The following BCAS3 variants were observed in gnomAD, a reference collection of about 807,000 sequenced individuals.
The protein encoded by BCAS3 is BCAS3 microtubule associated cell migration factor.
Under a neutral mutation model 116.1 loss-of-function variants are expected in BCAS3, and 53 were observed. The ratio of observed to expected loss-of-function variants is 0.46; its 90% CI spans 0.37 to 0.57. The LOEUF is 0.57. Ranked by LOEUF, BCAS3 falls within the 20% of genes least tolerant of loss-of-function variation. BCAS3 has a pLI of 0.00. For missense variants in BCAS3, 917 were observed against 1,165.4 expected (o/e 0.79, Z 3.10); for synonymous variants, 391 against 408.2 (o/e 0.96, Z 0.51).
intron 7 of BCAS3, among the ~76,000 whole-genome samples, chr17:60,830,419 C>T (rs2050814090): frequency 6.6e-6 from 1 of 152,122 alleles, no homozygotes; most frequent in Non-Finnish European, 1.5e-5. Context: ...TTGATGTCAT[C>T]TAGATCATGA....
rs2056982337 is a variant in BCAS3, at chr17:61,339,531, C to T, written c.2426-28796C>T. ...CCTGTAATCCCAGCAGTTGGGAGGC[C>T]AAGGTGAGCAGATCACCTGAGGTCA... On this transcript the variant is annotated intron_variant, in intron 22 of 23. Coordinates refer to ENST00000407086, the MANE Select transcript of BCAS3 (RefSeq NM_017679.5). This position sits in a 1 kb window ranked among gnomAD's most constrained non-coding sequence, Gnocchi z 4.4. Among the ~76,000 whole-genome samples the T allele has an allele frequency of 6.6e-6, 1 of 152,108 alleles. No homozygotes were observed. Among genetic ancestry groups the T allele is most frequent in the South Asian group, 2.1e-4 (1 of 4,828 alleles).
intron 22 of BCAS3, among the ~76,000 whole-genome samples, chr17:61,299,875 T>C (rs1020302155): frequency 6.6e-6 from 1 of 152,200 alleles, no homozygotes; most frequent in Non-Finnish European, 1.5e-5. Flanking sequence ...TGAATTCTAT[T>C]ATGACAGGTT....
intron 13 of BCAS3, among the ~76,000 whole-genome samples, chr17:60,940,278 A>C (rs1201641219): frequency 2.6e-5 from 4 of 152,208 alleles, no homozygotes; most frequent in African/African-American, 9.6e-5. Context: ...GGTAGTGTTT[A>C]CTTCAGTGCC....
intron 8 of BCAS3, among the ~76,000 whole-genome samples, chr17:60,871,842 C>T (rs2055132888): frequency 6.6e-6 from 1 of 151,502 alleles, no homozygotes; most frequent in East Asian, 1.9e-4. Flanking sequence ...TCTTATTATG[C>T]CTTGTCTGTT....
At chr17:60,978,270 T>C (rs1034838496) in intron 14 of BCAS3, among the ~76,000 whole-genome samples, 10 of 139,102 alleles carry the variant, frequency 7.2e-5, no homozygotes, top group Admixed American at 6.2e-4. Context: ...GAGCATTTTT[T>C]CATGTGTTTT....
chr17:60,935,742 T>C (rs1327195562), intron 13 of BCAS3, among the ~76,000 whole-genome samples: 1 of 152,064 alleles, frequency 6.6e-6, no homozygotes, highest in African/African-American at 2.4e-5. Flanking sequence ...TGTTACTTAG[T>C]TACTTACTTT....
chr17:60,689,824 A>C lies in BCAS3; in HGVS notation c.214+63A>C, dbSNP rs138946398. 99 of 1,130,832 alleles carry C rather than the reference A, an allele frequency of 8.8e-5. No individual in the cohort carries two copies. In the East Asian group the frequency reaches 2.3e-3, roughly 26 times the overall value. The allele number at this position is 1,130,832 out of a possible 1,614,324, so 70.0% of individuals were successfully genotyped here. ...TGTTTGTTTGGAGTACCTGATTCCA[A>C]AAAGAGAGCCTCTACTTTAGTCAGA... On this transcript the variant is annotated intron_variant, in intron 4 of 23. Coordinates refer to ENST00000407086, the MANE Select transcript of BCAS3 (RefSeq NM_017679.5).
chr17:61,020,241 C>T lies in BCAS3; in HGVS notation c.1637+4340C>T, dbSNP rs908489792. Among the ~76,000 whole-genome samples the T allele has an allele frequency of 1.3e-5, 2 of 152,172 alleles. No homozygotes were observed. Among genetic ancestry groups the T allele is most frequent in the African/African-American group, 4.8e-5 (2 of 41,442 alleles). ...TGTGTTTACCATATTCAACATCTGC[C>T]TTCTTATGTTTGCAAATACATATGC... On this transcript the variant is annotated intron_variant, in intron 16 of 23. Coordinates refer to ENST00000407086, the MANE Select transcript of BCAS3 (RefSeq NM_017679.5). The surrounding 1 kb of genome is among the most constrained non-coding windows in gnomAD (Gnocchi z 4.5).
In BCAS3 at chr17:61,012,199, C is replaced by G. The variant is rs1269552616; in HGVS notation, c.1487-3552C>G. On this transcript the variant is annotated intron_variant, in intron 15 of 23. Transcript: ENST00000407086. The surrounding 1 kb of genome is among the most constrained non-coding windows in gnomAD (Gnocchi z 4.5). ...TTTCTGTAACATTACATTATGAACTCTTTGAAAGTCCCTTGGACTTACTCC... is the reference window on the plus strand; with the variant it reads ...TTTCTGTAACATTACATTATGAACTGTTTGAAAGTCCCTTGGACTTACTCC... Among the ~76,000 whole-genome samples the G allele has an allele frequency of 6.6e-6, 1 of 152,002 alleles. No individual in the cohort carries two copies. The highest frequency in any genetic ancestry group is 1.5e-5 in the Non-Finnish European group (1 of 67,944).
At chr17:60,872,010 A>G (rs964895509) in intron 8 of BCAS3, among the ~76,000 whole-genome samples, 3 of 152,036 alleles carry the variant, frequency 2.0e-5, no homozygotes, top group African/African-American at 7.2e-5. Context: ...TTTATGAACC[A>G]TCCTTTGTTA....
At chr17:61,274,547 C>T (rs994531384) in intron 22 of BCAS3, among the ~76,000 whole-genome samples, 2 of 152,050 alleles carry the variant, frequency 1.3e-5, no homozygotes, top group African/African-American at 4.8e-5. Context: ...CTGCGGCCTC[C>T]CAAAGTGCTG....
intron 22 of BCAS3, among the ~76,000 whole-genome samples, chr17:61,253,306 A>C (rs2048512544): frequency 6.6e-6 from 1 of 151,202 alleles, no homozygotes; most frequent in South Asian, 2.1e-4. Context: ...TAATCCCAAC[A>C]CTTTGGGAGG....
At position 61,104,746 on chromosome 17, in the gene BCAS3, T is replaced by TA. The variant is rs1035905152; in HGVS notation, c.2425+20190dup. 2.6e-5 allele frequency among the ~76,000 whole-genome samples: 4 copies of TA among 151,984 alleles called. No homozygotes were observed. The highest frequency in any genetic ancestry group is 1.9e-4 in the East Asian group (1 of 5,176). Reference sequence around the variant, plus strand: ...AAATGAAAAATATTTGCCCTCTCCATAAAAAAAATGCTTACAACTTTATCT... The same window carrying TA: ...AAATGAAAAATATTTGCCCTCTCCATAAAAAAAAATGCTTACAACTTTATCT... On this transcript the variant is annotated intron_variant, in intron 22 of 23. Transcript: ENST00000407086. This position sits in a 1 kb window ranked among gnomAD's most constrained non-coding sequence, Gnocchi z 4.1.
intron 7 of BCAS3, 27 bp downstream of exon 7, chr17:60,808,103 A>G (rs747966407): frequency 1.4e-6 from 2 of 1,440,178 alleles, no homozygotes; most frequent in African/African-American, 1.4e-5. Context: ...AATTCTTTGT[A>G]TCACCTATTA....
At chr17:61,375,253 T>TGTGTGTGC (rs2059280190) in intron 23 of BCAS3, among the ~76,000 whole-genome samples, 1 of 140,610 alleles carries the variant, frequency 7.1e-6, no homozygotes, top group Non-Finnish European at 1.5e-5. Flanking sequence ...TGTGTGTGTG[T>TGTGTGTGC]GTACTAATAA....
At position 60,967,906 on chromosome 17, in the gene BCAS3, T is replaced by G. The variant is rs542210991; in HGVS notation, c.1221+20554T>G. On this transcript the variant is annotated intron_variant, in intron 14 of 23. Transcript: ENST00000407086. The surrounding 1 kb of genome is among the most constrained non-coding windows in gnomAD (Gnocchi z 4.7). ...TTTCTATATTTTTTCCCAATCTCTT[T>G]GTTAAATTTCTCTGATAAATTTCTG... is the stretch of plus-strand genomic sequence containing the variant. 6.6e-6 allele frequency among the ~76,000 whole-genome samples: 1 copy of G among 152,334 alleles called. No homozygotes were observed. Among genetic ancestry groups the G allele is most frequent in the East Asian group, 1.9e-4 (1 of 5,188 alleles).
chr17:61,109,566 C>T (rs1433730137), intron 22 of BCAS3, among the ~76,000 whole-genome samples: 1 of 152,206 alleles, frequency 6.6e-6, no homozygotes, highest in African/African-American at 2.4e-5. Context: ...TTCCCACCAA[C>T]AGTGTAAAAG....
At chr17:60,747,309 T>G in intron 6 of BCAS3, 30 bp downstream of exon 6, 1 of 1,544,860 alleles carries the variant, frequency 6.5e-7, no homozygotes, top group Non-Finnish European at 8.9e-7. Context: ...AAAGAATCTT[T>G]CAGAAAAGAG....
chr17:60,795,273 C>T (rs756274396), intron 6 of BCAS3, among the ~76,000 whole-genome samples: 11 of 152,032 alleles, frequency 7.2e-5, no homozygotes, highest in South Asian at 4.1e-4. Context: ...ATTTTATATC[C>T]GGAAACTTTG....
Sources: allele counts gnomAD v4.1 joint callset (sites outside exome capture counted in the v4.1 genomes callset), GRCh38; gene constraint gnomAD v4.1.1; non-coding constraint Gnocchi (gnomAD v3.1); transcripts MANE v1.5; gene names NCBI Gene and HGNC (gene_info 2026-07-23, HGNC 2026-07-21).